The following UBR4 variants were observed in gnomAD, a reference collection of about 807,000 sequenced individuals.
The protein encoded by UBR4 is ubiquitin protein ligase E3 component n-recognin 4.
In UBR4, 124 loss-of-function variants were observed where a neutral mutation model predicts 575.6. The ratio of observed to expected loss-of-function variants is 0.22; its 90% CI spans 0.19 to 0.25. The LOEUF (loss-of-function observed/expected upper bound fraction) is 0.25. UBR4 is among the 10% of genes least tolerant of loss of function. The pLI is 1.00. For synonymous variants in UBR4, 2,455 were observed against 2,473.7 expected (o/e 0.99, Z 0.22); for missense variants, 4,818 against 6,478.8 (o/e 0.74, Z 8.80).
chr1:19,164,506 G>T (rs546411370), intron 32 of UBR4, 65 bp from the exon 33 acceptor site: 226 of 1,517,412 alleles, frequency 1.5e-4, no homozygotes, highest in Middle Eastern at 5.5e-4. Flanking sequence ...GTGTTATAAA[G>T]GAAGTTTTAA....
At chr1:19,150,994 A>G (rs2085607693) in intron 48 of UBR4, 4 of 612,104 alleles carry the variant, frequency 6.5e-6, no homozygotes, top group Non-Finnish European at 8.5e-6. Context: ...ATGGACCAAA[A>G]GCCGATTACG....
At position 19,089,346 on chromosome 1, in the gene UBR4, G is replaced by A. The variant is rs1005660468; in HGVS notation, c.14212-369C>T. ...GGTAAGACAAGCAGCAACACCTGAT[G>A]TGTACTGAGTGGTGAACCAGCAGCC... On this transcript the variant is annotated intron_variant, in intron 97 of 105. Transcript: ENST00000375254. This position sits in a 1 kb window ranked among gnomAD's most constrained non-coding sequence, Gnocchi z 4.3. Among the ~76,000 whole-genome samples, 1 of 152,220 alleles carries A rather than the reference G, an allele frequency of 6.6e-6. No homozygotes were observed. Among genetic ancestry groups the A allele is most frequent in the African/African-American group, 2.4e-5 (1 of 41,454 alleles).
chr1:19,141,866 A>C (rs2083979147), intron 55 of UBR4, 89 bp from the exon 56 acceptor site: 2 of 1,561,154 alleles, frequency 1.3e-6, no homozygotes, highest in African/African-American at 1.4e-5. Flanking sequence ...CAAAAACCCA[A>C]GACAAGCTAC....
At chr1:19,092,561 C>T (rs1325664505) in intron 97 of UBR4, among the ~76,000 whole-genome samples, 1 of 152,188 alleles carries the variant, frequency 6.6e-6, no homozygotes, top group African/African-American at 2.4e-5. Context: ...GTTTTACTCT[C>T]TGGTCAGCCA....
chr1:19,123,006 G>A lies in UBR4; in HGVS notation c.9643C>T (p.Leu3215Phe). The change falls in exon 66 of 106, where the codon CTC becomes TTC. Residue 3215 changes from leucine to phenylalanine, a missense_variant. Coordinates refer to ENST00000375254, the MANE Select transcript of UBR4 (RefSeq NM_020765.3). ...TTCTCTTTGGATCCACAGATGAAGAGCAGAAGTTTGCGGACTTGACGGCGC... is the reference window on the plus strand; with the variant it reads ...TTCTCTTTGGATCCACAGATGAAGAACAGAAGTTTGCGGACTTGACGGCGC... Reference protein sequence around the residue: ...FVRRQVRKLLLFICGSKEKYR... With the variant: ...FVRRQVRKLLFFICGSKEKYR... 1.9e-6 allele frequency: 3 copies of A among 1,614,218 alleles called. No homozygotes were observed.
At chr1:19,182,576 C>T (rs933961735) in intron 17 of UBR4, among the ~76,000 whole-genome samples, 5 of 152,186 alleles carry the variant, frequency 3.3e-5, no homozygotes, top group Admixed American at 6.5e-5. Flanking sequence ...TATCATTCTA[C>T]ATTCCCACCA....
chr1:19,200,525 G>T (rs1023770103), intron 2 of UBR4, among the ~76,000 whole-genome samples: 2 of 151,896 alleles, frequency 1.3e-5, no homozygotes, highest in Non-Finnish European at 2.9e-5. Context: ...TGAGGCGGGT[G>T]GATCACTTCA....
intron 8 of UBR4, among the ~76,000 whole-genome samples, 154 bp from the exon 9 acceptor site, chr1:19,193,711 C>T (rs1014909436): frequency 6.6e-6 from 1 of 152,234 alleles, no homozygotes; most frequent in Middle Eastern, 3.4e-3. Context: ...GTTTACCATA[C>T]AATTCAGTAA....
chr1:19,199,512 T>G (rs2092643650), intron 3 of UBR4, 139 bp downstream of exon 3: 1 of 697,780 alleles, frequency 1.4e-6, no homozygotes. Context: ...GTTAACTAGC[T>G]GCAACAGATA....
At chr1:19,167,369 C>A in intron 28 of UBR4, 138 bp from the exon 29 acceptor site, 1 of 764,878 alleles carries the variant, frequency 1.3e-6, no homozygotes. Context: ...AGTCTTTTTC[C>A]CATGATAGCT....
chr1:19,104,414 A>C (rs544112861), intron 86 of UBR4, among the ~76,000 whole-genome samples, 157 bp from the exon 87 acceptor site: 15 of 152,206 alleles, frequency 9.9e-5, no homozygotes, highest in Non-Finnish European at 1.9e-4. Context: ...GTCAATAGCA[A>C]ACAGGGTCTC....
Position 19,157,911 on chromosome 1 carries a change from C to A in UBR4, c.5664G>T (p.Leu1888=), listed in dbSNP as rs752523603. The change falls in exon 40 of 106, where the codon CTG becomes CTT. Residue 1888 remains leucine, a synonymous_variant. Coordinates refer to ENST00000375254, the MANE Select transcript of UBR4 (RefSeq NM_020765.3). This position sits in a 1 kb window ranked among gnomAD's most constrained non-coding sequence, Gnocchi z 4.4. ...CCCGCCTGAGCACATGAGCACTGAT[C>A]AGCTGCCGGATGGTCTGGCCCTGGT... The part of the protein sequence containing the change: ...SGDQGQTIRQ[L]ISAHVLRRVA... 1.2e-6 allele frequency: 2 copies of A among 1,614,214 alleles called. No homozygotes were observed. Among genetic ancestry groups the A allele is most frequent in the East Asian group, 4.5e-5 (2 of 44,876 alleles).
rs1000006027 is a variant in UBR4, at chr1:19,074,661, G to A, written c.*171C>T. The A allele has an allele frequency of 1.6e-5, 11 of 705,876 alleles. No individual in the cohort carries two copies. Among genetic ancestry groups the A allele is most frequent in the Non-Finnish European group, 2.4e-5 (10 of 414,140 alleles). The allele number at this position is 705,876 out of a possible 1,614,324, so 43.7% of individuals were successfully genotyped here. Reference sequence around the variant, plus strand: ...CTCATAGCTGGTGCACCACACACACGAGATAAAACAGGAAGCCTAAAAACC... The same window carrying A: ...CTCATAGCTGGTGCACCACACACACAAGATAAAACAGGAAGCCTAAAAACC... On this transcript the variant is annotated 3_prime_UTR_variant, in exon 106 of 106. Coordinates refer to ENST00000375254, the MANE Select transcript of UBR4 (RefSeq NM_020765.3).
chr1:19,154,193 C>T (rs1240550405), intron 44 of UBR4, among the ~76,000 whole-genome samples: 1 of 152,164 alleles, frequency 6.6e-6, no homozygotes, highest in African/African-American at 2.4e-5. Flanking sequence ...AACAGGTGGC[C>T]CTATGTGCCT....
Position 19,173,591 on chromosome 1 carries a change from T to C in UBR4, c.3013A>G (p.Ile1005Val), listed in dbSNP as rs773336675. 6.2e-7 allele frequency: 1 copy of C among 1,614,036 alleles called. No individual in the cohort carries two copies. Among genetic ancestry groups the C allele is most frequent in the Non-Finnish European group, 8.5e-7 (1 of 1,180,006 alleles). Residue 1005 changes from isoleucine to valine, a missense_variant, in exon 23 of 106, where the codon ATA becomes GTA. Coordinates refer to ENST00000375254, the MANE Select transcript of UBR4 (RefSeq NM_020765.3). ...EACALQYYFL[I>V]LWRILGILPP... ...AAAATTCCTAGGATCCTCCACAGTA[T>C]CAAGAAGTAATATTGAAGGGCACAG...
intron 49 of UBR4, chr1:19,149,777 T>C: frequency 7.7e-7 from 1 of 1,300,296 alleles, no homozygotes; most frequent in Non-Finnish European, 1.0e-6. Context: ...CCAGCTTGGT[T>C]AGGGACTCAG....
Position 19,126,666 on chromosome 1 carries a change from G to C in UBR4, c.9229-11C>G, listed in dbSNP as rs1190259940. 2 of 1,612,172 alleles carry C rather than the reference G, an allele frequency of 1.2e-6. No homozygotes were observed. The highest frequency in any genetic ancestry group is 1.7e-6 in the Non-Finnish European group (2 of 1,179,288). On this transcript the variant is annotated splice_polypyrimidine_tract_variant and intron_variant, in intron 63 of 105. Transcript: ENST00000375254. The stretch of plus-strand genomic sequence containing the variant: ...GATGAGGGAAGATGACTGGGAGACA[G>C]AGAAAATACAGAGATGGGAAGAATG...
intron 30 of UBR4, 125 bp from the exon 31 acceptor site, chr1:19,165,474 G>A (rs2088185887): frequency 9.4e-7 from 1 of 1,058,632 alleles, no homozygotes; most frequent in Admixed American, 2.2e-5. Context: ...AGCACAAGGT[G>A]TTCATGAAAT....
intron 1 of UBR4, among the ~76,000 whole-genome samples, chr1:19,204,259 C>T (rs769192583): frequency 4.6e-5 from 7 of 152,180 alleles, no homozygotes; most frequent in Non-Finnish European, 8.8e-5. Flanking sequence ...CCTTGGCCTC[C>T]CAAAGTGCTG....
Sources: allele counts gnomAD v4.1 joint callset (sites outside exome capture counted in the v4.1 genomes callset), GRCh38; gene constraint gnomAD v4.1.1; non-coding constraint Gnocchi (gnomAD v3.1); transcripts MANE v1.5; gene names NCBI Gene and HGNC (gene_info 2026-07-23, HGNC 2026-07-21).